CCDC39: variants seen among roughly 807,000 people sequenced by gnomAD.
CCDC39 encodes coiled-coil domain 39 molecular ruler complex subunit.
A neutral mutation model predicts 121.0 loss-of-function variants in CCDC39; 113 were observed. The ratio of observed to expected loss-of-function variants is 0.93; its 90% CI spans 0.80 to 1.09. The LOEUF (loss-of-function observed/expected upper bound fraction) is 1.09, where lower values mean the gene tolerates loss of function less well. CCDC39 is among the 50% of genes least tolerant of loss of function. CCDC39 has a pLI of 0.00. For synonymous variants in CCDC39, 349 were observed against 352.2 expected, an observed-to-expected ratio of 0.99 and a Z score of 0.10; for missense variants, 1,063 against 1,074.7, an observed-to-expected ratio of 0.99 and a Z score of 0.15.
chr3:180,651,758 C>T (rs1019801761), intron 8 of CCDC39, among the ~76,000 whole-genome samples: 1 of 152,116 alleles, frequency 6.6e-6, no homozygotes, highest in Non-Finnish European at 1.5e-5. Context: ...TAGTAGCTGG[C>T]CAGGCGCGGT....
chr3:180,657,190 T>G (rs1711603310), intron 6 of CCDC39, among the ~76,000 whole-genome samples: 1 of 152,116 alleles, frequency 6.6e-6, no homozygotes, highest in Non-Finnish European at 1.5e-5. Flanking sequence ...TTTCAAAATG[T>G]GTTGTTTTGT....
At chr3:180,670,045 C>T (rs1238530730) in intron 1 of CCDC39, among the ~76,000 whole-genome samples, 4 of 152,078 alleles carry the variant, frequency 2.6e-5, no homozygotes, top group South Asian at 2.1e-4. Flanking sequence ...ACTGAATTAA[C>T]GAATCGATCG....
Position 180,659,562 on chromosome 3 carries a change from CT to C in CCDC39, c.627del (p.Ala210HisfsTer22), listed in dbSNP as rs1174959434. ...TTATGAATCTTACGAAAATCTTGTG[CT>C]GCTTTATCCAATTCTAACTGTCAAA... The part of the protein sequence containing the change: ...TISAQLELDK[A>X]AQDFRKIHNE... On this transcript the variant is annotated frameshift_variant, in exon 6 of 20. Transcript: ENST00000476379. LOFTEE classifies it high-confidence loss of function. 1 of 1,612,604 alleles carries C rather than the reference CT, an allele frequency of 6.2e-7. No individual in the cohort carries two copies. Among genetic ancestry groups the C allele is most frequent in the Non-Finnish European group, 8.5e-7 (1 of 1,179,372 alleles).
At chr3:180,678,378 G>T (rs534245247) in intron 1 of CCDC39, among the ~76,000 whole-genome samples, 67 of 152,248 alleles carry the variant, frequency 4.4e-4, no homozygotes, top group African/African-American at 1.4e-3. Flanking sequence ...TTTTAGAGCT[G>T]AGAAAACTTT....
intron 9 of CCDC39, among the ~76,000 whole-genome samples, chr3:180,650,720 G>A (rs966693575): frequency 1.1e-4 from 16 of 151,702 alleles, no homozygotes; most frequent in African/African-American, 3.6e-4. Context: ...AGCCAGGTGT[G>A]GTGGCACGCG....
intron 1 of CCDC39, among the ~76,000 whole-genome samples, chr3:180,677,167 TTTATATATATATATATATATA>T (rs1712246997): frequency 5.5e-5 from 4 of 72,248 alleles, no homozygotes; most frequent in South Asian, 9.0e-4. Context: ...TAATAATAAT[TTTATATATATATATATATATA>T]TATATATATA....
rs558389323 is a variant in CCDC39, at chr3:180,638,359, T to C, written c.1874+3634A>G. ...TCAAGTTTAAGGGAGAATAAATATA[T>C]GTATTAAACATGCAAGGACTGCAAA... On this transcript the variant is annotated intron_variant, in intron 13 of 19. Transcript: ENST00000476379. Among the ~76,000 whole-genome samples the C allele has an allele frequency of 3.3e-5, 5 of 152,248 alleles. No individual in the cohort carries two copies. The South Asian group carries it at 1.0e-3, about 32-fold the overall frequency.
rs80204795 is a variant in CCDC39, at chr3:180,664,570, C to T, written c.91-584G>A. ...GTGGGAAAATTAGCACCATATTACACGGAATGGAAATCTCTCTTAGATTTG... is the reference window on the plus strand; with the variant it reads ...GTGGGAAAATTAGCACCATATTACATGGAATGGAAATCTCTCTTAGATTTG... On this transcript the variant is annotated intron_variant, in intron 1 of 19. Coordinates refer to ENST00000476379, the MANE Select transcript of CCDC39 (RefSeq NM_181426.2). Among the ~76,000 whole-genome samples, 156 of 152,184 alleles carry T rather than the reference C, an allele frequency of 1.0e-3. 1 individual carries two copies. Among genetic ancestry groups the T allele is most frequent in the African/African-American group, 3.3e-3 (138 of 41,526 alleles).
At chr3:180,663,355 C>T (rs1410829957) in intron 2 of CCDC39, among the ~76,000 whole-genome samples, 2 of 152,262 alleles carry the variant, frequency 1.3e-5, no homozygotes, top group Middle Eastern at 3.4e-3. Flanking sequence ...CTGTCTAATA[C>T]AGATTGTTTG....
chr3:180,630,634 G>C lies in CCDC39; in HGVS notation c.1998+835C>G, dbSNP rs76010718. On this transcript the variant is annotated intron_variant, in intron 14 of 19. Coordinates refer to ENST00000476379, the MANE Select transcript of CCDC39 (RefSeq NM_181426.2). ...TTTGAGTAATTTCCTAGACCTTTCT[G>C]TAAAGGAAATTACTCCTGTTCAGGG... Among the ~76,000 whole-genome samples the C allele has an allele frequency of 9.7e-4, 148 of 152,190 alleles. 1 individual carries two copies. In the East Asian group the frequency reaches 0.028, roughly 28 times the overall value.
intron 6 of CCDC39, 74 bp downstream of exon 6, chr3:180,659,378 C>G: frequency 6.4e-7 from 1 of 1,551,652 alleles, no homozygotes; most frequent in Non-Finnish European, 8.8e-7. Context: ...ATGTGATTTA[C>G]ATTTGGAATA....
At chr3:180,657,477 T>C (rs1296944128) in intron 6 of CCDC39, among the ~76,000 whole-genome samples, 1 of 152,174 alleles carries the variant, frequency 6.6e-6, no homozygotes, top group Non-Finnish European at 1.5e-5. Flanking sequence ...AGTCATGACT[T>C]GAGAAAAGAA....
intron 14 of CCDC39, among the ~76,000 whole-genome samples, chr3:180,630,641 A>G (rs1487822146): frequency 6.6e-6 from 1 of 152,148 alleles, no homozygotes; most frequent in African/African-American, 2.4e-5. Context: ...TCTGTAAAGG[A>G]AATTACTCCT....
At chr3:180,631,636 C>A in intron 13 of CCDC39, 44 bp from the exon 14 acceptor site, 1 of 1,535,628 alleles carries the variant, frequency 6.5e-7, no homozygotes, top group South Asian at 1.2e-5. Flanking sequence ...ACATACTTTA[C>A]AATTTTTAAA....
chr3:180,650,099 C>A lies in CCDC39; in HGVS notation c.1167+1302G>T, dbSNP rs2338435. ...TTCAACTACCCCTTTTTCAACCCCC[C>A]CAAACGAGTAAAAGCAAGAAGTAGA... On this transcript the variant is annotated intron_variant, in intron 9 of 19. Transcript: ENST00000476379. Among the ~76,000 whole-genome samples the A allele has an allele frequency of 0.13, 19,920 of 152,008 alleles. 1,598 individuals carry two copies. The highest frequency in any genetic ancestry group is 0.18 in the Admixed American group (2,681 of 15,270).
chr3:180,629,219 A>G (rs556742987), intron 14 of CCDC39, among the ~76,000 whole-genome samples: 52 of 152,372 alleles, frequency 3.4e-4, no homozygotes, highest in African/African-American at 1.2e-3. Context: ...TATATTATAG[A>G]CATGTTGAAT....
chr3:180,663,940 C>A lies in CCDC39; in HGVS notation c.137G>T (p.Arg46Leu), dbSNP rs376716008. The A allele has an allele frequency of 6.2e-7, 1 of 1,611,808 alleles. No individual in the cohort carries two copies. The highest frequency in any genetic ancestry group is 8.5e-7 in the Non-Finnish European group (1 of 1,178,798). The change falls in exon 2 of 20, where the codon CGT becomes CTT. Residue 46 changes from arginine to leucine, a missense_variant. Physicochemically the swap from Arg to Leu is moderately radical, Grantham distance 102. Coordinates refer to ENST00000476379, the MANE Select transcript of CCDC39 (RefSeq NM_181426.2). ...AGAATTAATTCGCTCTTCATACTCA[C>A]GTAACTCATCTTGCAAGCTTGCTCT... Reference protein sequence around the residue: ...DERASLQDELREYEERINSMT... With the variant: ...DERASLQDELLEYEERINSMT...
intron 14 of CCDC39, among the ~76,000 whole-genome samples, chr3:180,622,520 C>T (rs894724988): frequency 2.1e-4 from 32 of 152,076 alleles, no homozygotes; most frequent in African/African-American, 7.7e-4. Context: ...CAGCTCTTTC[C>T]CCATTCGATA....
At chr3:180,618,149 G>T (rs923893892) in intron 16 of CCDC39, among the ~76,000 whole-genome samples, 1 of 152,132 alleles carries the variant, frequency 6.6e-6, no homozygotes, top group Admixed American at 6.6e-5. Flanking sequence ...GTTTGTGTAA[G>T]TACACTCTTA....
Sources: allele counts gnomAD v4.1 joint callset (sites outside exome capture counted in the v4.1 genomes callset), GRCh38; gene constraint gnomAD v4.1.1; transcripts MANE v1.5; gene names NCBI Gene and HGNC (gene_info 2026-07-23, HGNC 2026-07-21).